SLC13A5: variants seen among roughly 807,000 people sequenced by gnomAD.
SLC13A5 encodes the protein Na(+)/citrate cotransporter.
Under a neutral mutation model 56.5 loss-of-function variants are expected in SLC13A5, and 25 were observed. The observed-to-expected ratio is 0.44, with a 90% CI of 0.32 to 0.62. The LOEUF (loss-of-function observed/expected upper bound fraction) is 0.62. SLC13A5 is among the 20% of genes least tolerant of loss of function. The pLI, the probability that SLC13A5 is intolerant of heterozygous loss-of-function variation, is 0.04. For missense variants in SLC13A5, 649 were observed against 737.8 expected (o/e 0.88, Z 1.39); for synonymous variants, 307 against 301.5 (o/e 1.02, Z -0.19).
Position 6,700,987 on chromosome 17 carries a change from G to C in SLC13A5, c.839+17C>G. ...GCATAATTAGGCATAATTAGGCTGT[G>C]AGCAGCTCAAACTTACTTGAATCTC... On this transcript the variant is annotated intron_variant, in intron 6 of 11. Transcript: ENST00000433363. 6.2e-7 allele frequency: 1 copy of C among 1,613,848 alleles called. No homozygotes were observed. Among genetic ancestry groups the C allele is most frequent in the Non-Finnish European group, 8.5e-7 (1 of 1,179,994 alleles).
At position 6,708,145 on chromosome 17, in the gene SLC13A5, T is replaced by C. The variant is rs917613798; in HGVS notation, c.103-989A>G. Among the ~76,000 whole-genome samples the C allele has an allele frequency of 2.6e-5, 4 of 152,236 alleles. No individual in the cohort carries two copies. In the East Asian group the frequency reaches 5.8e-4, roughly 22 times the overall value. The stretch of plus-strand genomic sequence containing the variant: ...CCACCACGCCCTGCTAATTTTTGTA[T>C]TTTTAGTAGAGACGGGGTTTTGCCA... On this transcript the variant is annotated intron_variant, in intron 1 of 11. Coordinates refer to ENST00000433363, the MANE Select transcript of SLC13A5 (RefSeq NM_177550.5).
In SLC13A5 at chr17:6,692,995, C is replaced by T; in HGVS notation, c.1275+49G>A. On this transcript the variant is annotated intron_variant, in intron 9 of 11. Coordinates refer to ENST00000433363, the MANE Select transcript of SLC13A5 (RefSeq NM_177550.5). This position sits in a 1 kb window ranked among gnomAD's most constrained non-coding sequence, Gnocchi z 5.5. ...GATGGAAGGGTGGAGAAACGCCACC[C>T]TCTTGACGAAGAAGAGGGCTCTGGG... 1 of 1,445,852 alleles carries T rather than the reference C, an allele frequency of 6.9e-7. No individual in the cohort carries two copies. The highest frequency in any genetic ancestry group is 1.1e-5 in the South Asian group (1 of 87,728). The allele number at this position is 1,445,852 out of a possible 1,614,324, so 89.6% of individuals were successfully genotyped here. A position where few individuals can be genotyped will look rare whatever the true frequency, so the allele number is the denominator to read the frequency against.
rs200645836 is a variant in SLC13A5, at chr17:6,701,042, G to C, written c.801C>G (p.Phe267Leu). 6.2e-7 allele frequency: 1 copy of C among 1,614,048 alleles called. No individual in the cohort carries two copies. The highest frequency in any genetic ancestry group is 1.3e-5 in the African/African-American group (1 of 74,914). Residue 267 changes from phenylalanine to leucine, a missense_variant, in exon 6 of 12, where the codon TTC becomes TTG. Coordinates refer to ENST00000433363, the MANE Select transcript of SLC13A5 (RefSeq NM_177550.5). This position sits in a 1 kb window ranked among gnomAD's most constrained non-coding sequence, Gnocchi z 4.1. ...AAACAAACTGGAGCCACAGCCAGGC[G>C]AACAGCAGCATCACCAGCATGTTGG... ...AFPNMLVMLL[F>L]AWLWLQFVYM...
chr17:6,691,375 A>T (rs745732378), intron 9 of SLC13A5, among the ~76,000 whole-genome samples: 8 of 152,132 alleles, frequency 5.3e-5, no homozygotes, highest in Non-Finnish European at 8.8e-5. Context: ...GTCAGTCACC[A>T]AGTCACCCAA....
At chr17:6,710,074 GA>G (rs1461925206) in intron 1 of SLC13A5, among the ~76,000 whole-genome samples, 1 of 152,200 alleles carries the variant, frequency 6.6e-6, no homozygotes, top group Non-Finnish European at 1.5e-5. Flanking sequence ...AGCGTGACTG[GA>G]AGCCCAGGCT....
chr17:6,702,695 G>A (rs544412902), intron 5 of SLC13A5, among the ~76,000 whole-genome samples: 1 of 152,368 alleles, frequency 6.6e-6, no homozygotes, highest in African/African-American at 2.4e-5. Context: ...CCCAGGGGAG[G>A]TGGTGGGTCT....
chr17:6,704,388 G>A (rs1463780347), intron 3 of SLC13A5: 1 of 448,830 alleles, frequency 2.2e-6, no homozygotes, highest in Non-Finnish European at 4.4e-6. Flanking sequence ...GGGAAGCCCA[G>A]GCATCCAGAT....
At position 6,693,061 on chromosome 17, in the gene SLC13A5, G is replaced by C. The variant is rs1973453486; in HGVS notation, c.1258C>G (p.Leu420Val). The change falls in exon 9 of 12, where the codon CTG becomes GTG. Residue 420 changes from leucine (L) to valine (V), a missense_variant. Coordinates refer to ENST00000433363, the MANE Select transcript of SLC13A5 (RefSeq NM_177550.5). ...GAAGTTACCTCGGATCCTTTAGCCA[G>C]AGCAAATCCGCCCCCTAGTAGCAGC... ...IVLLLGGGFA[L>V]AKGSEASGLS... 2 of 1,614,174 alleles carry C rather than the reference G, an allele frequency of 1.2e-6. No homozygotes were observed. Among genetic ancestry groups the C allele is most frequent in the African/African-American group, 1.3e-5 (1 of 75,048 alleles).
intron 1 of SLC13A5, among the ~76,000 whole-genome samples, chr17:6,708,797 C>A (rs770451829): frequency 6.6e-6 from 1 of 152,166 alleles, no homozygotes. Flanking sequence ...CACACTGACA[C>A]GCACGCCCAC....
chr17:6,695,709 T>C lies in SLC13A5; in HGVS notation c.1055+17A>G, dbSNP rs753159355. 2 of 1,613,436 alleles carry C rather than the reference T, an allele frequency of 1.2e-6. No individual in the cohort carries two copies. Among genetic ancestry groups the C allele is most frequent in the Non-Finnish European group, 1.7e-6 (2 of 1,179,584 alleles). ...CCTGGCCCTAAGCCAGCGATTTCTA[T>C]TGAATCCAAGACTTACTTTGTCTCA... On this transcript the variant is annotated intron_variant, in intron 7 of 11. Coordinates refer to ENST00000433363, the MANE Select transcript of SLC13A5 (RefSeq NM_177550.5).
Position 6,692,283 on chromosome 17 carries a change from G to A in SLC13A5, c.1275+761C>T, listed in dbSNP as rs1475006826. ...TGGATGGATGGATGGATGGACGGATGGACGGACGGATGGATGGATGAAGAC... is the reference window on the plus strand; with the variant it reads ...TGGATGGATGGATGGATGGACGGATAGACGGACGGATGGATGGATGAAGAC... On this transcript the variant is annotated intron_variant, in intron 9 of 11. Transcript: ENST00000433363. This position sits in a 1 kb window ranked among gnomAD's most constrained non-coding sequence, Gnocchi z 5.5. Among the ~76,000 whole-genome samples, 1 of 151,666 alleles carries A rather than the reference G, an allele frequency of 6.6e-6. No individual in the cohort carries two copies.
At chr17:6,705,480 A>C (rs1296495590) in intron 3 of SLC13A5, 1 of 152,142 alleles carries the variant, frequency 6.6e-6, no homozygotes, top group Non-Finnish European at 1.5e-5. Flanking sequence ...AAGCAGAAGA[A>C]TTCTGAGGGC....
Position 6,695,938 on chromosome 17 carries a change from A to T in SLC13A5, c.843T>A (p.Phe281Leu), listed in dbSNP as rs1291316980. The change falls in exon 7 of 12, where the codon TTT (phenylalanine) becomes TTA (leucine). Residue 281 changes from phenylalanine (F) to leucine (L), a missense_variant. Phe to Leu is a conservative substitution (Grantham distance 22). Coordinates refer to ENST00000433363, the MANE Select transcript of SLC13A5 (RefSeq NM_177550.5). ...CTAGCCCGCAGCCCCAGGACTTTTT[A>T]AAACTGGAGAATGCAAAGATGAGAG... is the stretch of plus-strand genomic sequence containing the variant. ...WLQFVYMRFNFKKSWGCGLES... is the reference protein window; with the variant it reads ...WLQFVYMRFNLKKSWGCGLES... 6.2e-7 allele frequency: 1 copy of T among 1,613,650 alleles called. No individual in the cohort carries two copies. The highest frequency in any genetic ancestry group is 8.5e-7 in the Non-Finnish European group (1 of 1,179,922).
intron 10 of SLC13A5, chr17:6,689,978 G>A (rs1220651495): frequency 4.8e-5 from 7 of 144,560 alleles, no homozygotes; most frequent in African/African-American, 1.6e-4. Flanking sequence ...TCTTGAACTC[G>A]GGTCTTCTGA....
chr17:6,706,331 T>A (rs1439022676), intron 3 of SLC13A5, among the ~76,000 whole-genome samples: 1 of 152,084 alleles, frequency 6.6e-6, no homozygotes, highest in Non-Finnish European at 1.5e-5. Context: ...CCAGCCTCTA[T>A]CCAATTTGTT....
At chr17:6,686,476 G>T in intron 11 of SLC13A5, 138 bp from the exon 12 acceptor site, 1 of 1,054,774 alleles carries the variant, frequency 9.5e-7, no homozygotes, top group African/African-American at 1.6e-5. Context: ...CCGACCCCCA[G>T]GACAGTGCGA....
intron 10 of SLC13A5, chr17:6,689,294 G>A (rs1038939391): frequency 1.3e-5 from 2 of 152,360 alleles, no homozygotes; most frequent in African/African-American, 4.8e-5. Context: ...GACCATCCTC[G>A]TTTTCCTGGC....
intron 6 of SLC13A5, among the ~76,000 whole-genome samples, chr17:6,698,646 A>G (rs1380219942): frequency 6.6e-6 from 1 of 152,210 alleles, no homozygotes; most frequent in Non-Finnish European, 1.5e-5. Flanking sequence ...CTCTGTGTTG[A>G]CCACATCACC....
chr17:6,696,176 C>T (rs1973556385), intron 6 of SLC13A5, among the ~76,000 whole-genome samples: 4 of 152,128 alleles, frequency 2.6e-5, no homozygotes, highest in Admixed American at 6.5e-5. Context: ...CGGCAGGTGC[C>T]CAGACACCTG....
Sources: gnomAD v4.1 joint callset for allele counts (sites outside exome capture counted in the v4.1 genomes callset) on GRCh38, gnomAD v4.1.1 for gene constraint, Gnocchi (gnomAD v3.1) non-coding constraint, MANE v1.5 for transcripts, NCBI Gene and HGNC (gene_info 2026-07-23, HGNC 2026-07-21) for gene names.